HDAC4: variants seen among roughly 807,000 people sequenced by gnomAD.
HDAC4 encodes the protein histone deacetylase A.
HDAC4 carries 16 observed loss-of-function variants against 135.1 expected under a neutral mutation model. The observed-to-expected ratio is 0.12, with a 90% confidence interval of 0.08 to 0.18. HDAC4 has a LOEUF of 0.18. HDAC4 is among the 10% of genes least tolerant of loss of function. The pLI, the probability that HDAC4 is intolerant of heterozygous loss-of-function variation, is 1.00. For missense variants in HDAC4, 1,143 were observed against 1,511.8 expected (o/e 0.76, Z 4.05); for synonymous variants, 685 against 653.4 (o/e 1.05, Z -0.74).
chr2:239,302,954 C>A (rs562899350), intron 2 of HDAC4, among the ~76,000 whole-genome samples: 7 of 152,322 alleles, frequency 4.6e-5, no homozygotes, highest in Middle Eastern at 3.4e-3. Context: ...CCCGGAGCAC[C>A]TTGGCAGGGA....
chr2:239,398,600 G>A lies in HDAC4; in HGVS notation c.-220+2378C>T, dbSNP rs568056420. Among the ~76,000 whole-genome samples, 6 of 152,330 alleles carry A rather than the reference G, an allele frequency of 3.9e-5. No homozygotes were observed. In the East Asian group the frequency reaches 5.8e-4, roughly 15 times the overall value. On this transcript the variant is annotated intron_variant, in intron 1 of 26. Transcript: ENST00000543185. ...AGAGTCCAGATGGGCTGCCTGAGCC[G>A]CACGTGGCCAGCGTGCCAGGTTGTC...
intron 2 of HDAC4, among the ~76,000 whole-genome samples, chr2:239,241,470 C>T (rs2048171984): frequency 6.6e-6 from 1 of 152,042 alleles, no homozygotes; most frequent in Admixed American, 6.5e-5. Flanking sequence ...TGTTTTTTGC[C>T]CCCAGTTGGG....
intron 2 of HDAC4, among the ~76,000 whole-genome samples, chr2:239,347,600 C>T (rs1236685512): frequency 2.0e-5 from 3 of 152,162 alleles, no homozygotes; most frequent in Non-Finnish European, 4.4e-5. Context: ...ACTGCAACCT[C>T]ACCTCCCGGA....
At chr2:239,187,689 A>G (rs1041012437) in intron 4 of HDAC4, among the ~76,000 whole-genome samples, 1 of 152,200 alleles carries the variant, frequency 6.6e-6, no homozygotes, top group African/African-American at 2.4e-5. Context: ...GTCCTCTCTC[A>G]TGTCCCACCT....
In HDAC4 at chr2:239,339,061, T is replaced by C. The variant is rs113578218; in HGVS notation, c.22+13617A>G. ...AATCAGAAAATACAGAATCTGGCTT[T>C]GAAGAAAACAATGGTAAAGATGTTA... On this transcript the variant is annotated intron_variant, in intron 2 of 26. Coordinates refer to ENST00000543185, the MANE Select transcript of HDAC4 (RefSeq NM_001378414.1). Among the ~76,000 whole-genome samples, 20 of 152,372 alleles carry C rather than the reference T, an allele frequency of 1.3e-4. 1 individual carries two copies. Among genetic ancestry groups the C allele is most frequent in the African/African-American group, 4.3e-4 (18 of 41,598 alleles).
At position 239,185,506 on chromosome 2, in the gene HDAC4, G is replaced by A. The variant is rs1459652131; in HGVS notation, c.339+4327C>T. Among the ~76,000 whole-genome samples the A allele has an allele frequency of 3.3e-5, 5 of 151,976 alleles. 1 individual carries two copies. The highest frequency in any genetic ancestry group is 1.3e-4 in the Admixed American group (2 of 15,278). On this transcript the variant is annotated intron_variant, in intron 4 of 26. Transcript: ENST00000543185. ...GCAGGGGGTGCCCCGTGTTTCCTAG[G>A]GAGAGGTGCACAGTGTGGGGGGTGC...
intron 2 of HDAC4, among the ~76,000 whole-genome samples, chr2:239,247,218 C>G (rs1175372359): frequency 6.6e-6 from 1 of 152,216 alleles, no homozygotes; most frequent in Admixed American, 6.5e-5. Flanking sequence ...TCATGCTGTA[C>G]CCACCACTTC....
rs1434521526 is a variant in HDAC4 at position 239,313,771 on chromosome 2, C to G, written c.22+38907G>C. 6.6e-6 allele frequency among the ~76,000 whole-genome samples: 1 copy of G among 152,222 alleles called. No individual in the cohort carries two copies. The highest frequency in any genetic ancestry group is 2.4e-5 in the African/African-American group (1 of 41,464). ...ACTTTTAGAGACGTCTAATTATACT[C>G]AGGGCTGAGTTGGCTGAAGAGTGAG... On this transcript the variant is annotated intron_variant, in intron 2 of 26. Transcript: ENST00000543185. This position sits in a 1 kb window ranked among gnomAD's most constrained non-coding sequence, Gnocchi z 5.1.
Position 239,308,870 on chromosome 2 carries a change from C to T in HDAC4, c.22+43808G>A, listed in dbSNP as rs10183376. On this transcript the variant is annotated intron_variant, in intron 2 of 26. Coordinates refer to ENST00000543185, the MANE Select transcript of HDAC4 (RefSeq NM_001378414.1). This position sits in a 1 kb window ranked among gnomAD's most constrained non-coding sequence, Gnocchi z 4.2. ...CTGTCACAGGCGAAAGACGGGTTCC[C>T]CTTCCTCTACACCCAAGCCCTCGGA... 0.087 allele frequency among the ~76,000 whole-genome samples: 13,183 copies of T among 152,196 alleles called. 1,213 individuals carry two copies. Among genetic ancestry groups the T allele is most frequent in the East Asian group, 0.41 (2,133 of 5,142 alleles).
intron 2 of HDAC4, among the ~76,000 whole-genome samples, chr2:239,330,988 C>A (rs1691532557): frequency 6.6e-6 from 1 of 152,202 alleles, no homozygotes; most frequent in South Asian, 2.1e-4. Context: ...CTGACACAGA[C>A]CTGCTGCCCT....
rs564242524 is a variant in HDAC4, at chr2:239,331,300, G to C, written c.22+21378C>G. ...AAAAGCCACGAGAAGGAGGCAGGAT[G>C]GGGGAGGGAAGACAAGCAGGAAGGG... On this transcript the variant is annotated intron_variant, in intron 2 of 26. Coordinates refer to ENST00000543185, the MANE Select transcript of HDAC4 (RefSeq NM_001378414.1). This position sits in a 1 kb window ranked among gnomAD's most constrained non-coding sequence, Gnocchi z 4.5. Among the ~76,000 whole-genome samples, 2 of 152,264 alleles carry C rather than the reference G, an allele frequency of 1.3e-5. No individual in the cohort carries two copies. The highest frequency in any genetic ancestry group is 3.9e-4 in the East Asian group (2 of 5,184).
chr2:239,139,612 G>T lies in HDAC4; in HGVS notation c.978+72C>A. 1 of 1,326,106 alleles carries T rather than the reference G, an allele frequency of 7.5e-7. No homozygotes were observed. Among genetic ancestry groups the T allele is most frequent in the Non-Finnish European group, 1.1e-6 (1 of 917,634 alleles). The allele number at this position is 1,326,106 out of a possible 1,614,324, so 82.1% of individuals were successfully genotyped here. A position where few individuals can be genotyped will look rare whatever the true frequency, so the allele number is the denominator to read the frequency against. On this transcript the variant is annotated intron_variant, in intron 9 of 26. Transcript: ENST00000543185. The surrounding 1 kb of genome is among the most constrained non-coding windows in gnomAD (Gnocchi z 5.3). ...AAGAGTGAAGGGCAAGTGCAAAGTG[G>T]GGTCATTTCAAGCTCATCCGTCCCG... is the stretch of plus-strand genomic sequence containing the variant.
chr2:239,334,751 G>C (rs1418521575), intron 2 of HDAC4, among the ~76,000 whole-genome samples: 1 of 152,102 alleles, frequency 6.6e-6, no homozygotes, highest in Non-Finnish European at 1.5e-5. Context: ...GGCCGGGCGT[G>C]GTGGCTCATG....
At chr2:239,119,410 C>T (rs1575094284) in intron 12 of HDAC4, among the ~76,000 whole-genome samples, 2 of 152,102 alleles carry the variant, frequency 1.3e-5, no homozygotes, top group East Asian at 3.9e-4. Flanking sequence ...AAGCAACAGG[C>T]TAAGGATGAG....
At chr2:239,227,835 G>T (rs2047328884) in intron 3 of HDAC4, among the ~76,000 whole-genome samples, 1 of 151,814 alleles carries the variant, frequency 6.6e-6, no homozygotes, top group Non-Finnish European at 1.5e-5. Flanking sequence ...TGCAGATCAG[G>T]TCCAGCGGAC....
At position 239,143,239 on chromosome 2, in the gene HDAC4, C is replaced by T. The variant is rs141383184; in HGVS notation, c.865+1344G>A. Among the ~76,000 whole-genome samples the T allele has an allele frequency of 1.5e-3, 231 of 149,928 alleles. 2 individuals are homozygous for T. Among genetic ancestry groups the T allele is most frequent in the South Asian group, 2.4e-3 (11 of 4,562 alleles). On this transcript the variant is annotated intron_variant, in intron 8 of 26. Coordinates refer to ENST00000543185, the MANE Select transcript of HDAC4 (RefSeq NM_001378414.1). ...CTCAGAAGAAGCTTGCTGAAGACTC[C>T]GTCTCACCCACTGCACACTTTAAAA...
rs1693876817 is a variant in HDAC4 at position 239,361,641 on chromosome 2, G to T, written c.-219-8723C>A. Among the ~76,000 whole-genome samples the T allele has an allele frequency of 3.3e-5, 5 of 152,290 alleles. No homozygotes were observed. In the South Asian group the frequency reaches 1.0e-3, roughly 32 times the overall value. On this transcript the variant is annotated intron_variant, in intron 1 of 26. Coordinates refer to ENST00000543185, the MANE Select transcript of HDAC4 (RefSeq NM_001378414.1). ...CATAAAGAAAGCAGCGCTATCTGAA[G>T]CCCACGAGGAAAGCAGTCTTTTCTA...
Position 239,152,573 on chromosome 2 carries a change from G to A in HDAC4, c.733+4079C>T, listed in dbSNP as rs147337819. ...GTCTCTGACTCTCAAGCCCAGCGGT[G>A]GAGGCTCCTCCTGGGAGATGGCACT... is the stretch of plus-strand genomic sequence containing the variant. On this transcript the variant is annotated intron_variant, in intron 7 of 26. Transcript: ENST00000543185. 3.4e-3 allele frequency among the ~76,000 whole-genome samples: 518 copies of A among 152,352 alleles called. 2 individuals are homozygous for A. Among genetic ancestry groups the A allele is most frequent in the African/African-American group, 0.012 (504 of 41,580 alleles).
chr2:239,246,083 T>A (rs2048442936), intron 2 of HDAC4, among the ~76,000 whole-genome samples: 2 of 152,130 alleles, frequency 1.3e-5, no homozygotes, highest in South Asian at 4.1e-4. Context: ...CAGGGGGGTG[T>A]CCAGCTGCTC....
Sources: allele counts gnomAD v4.1 joint callset (sites outside exome capture counted in the v4.1 genomes callset), GRCh38; gene constraint gnomAD v4.1.1; non-coding constraint Gnocchi (gnomAD v3.1); transcripts MANE v1.5; gene names NCBI Gene and HGNC (gene_info 2026-07-23, HGNC 2026-07-21).